The following ESR1 variants were observed in gnomAD, a reference collection of about 807,000 sequenced individuals.
The protein encoded by ESR1 is estrogen receptor 1.
A neutral mutation model predicts 52.7 loss-of-function variants in ESR1; 12 were observed. That is an observed-to-expected ratio of 0.23 (90% CI 0.15 to 0.37). ESR1 has a LOEUF of 0.37. ESR1 is among the 10% of genes least tolerant of loss of function. The probability of loss-of-function intolerance (pLI) is 1.00; values close to 1 mark genes in which losing one functional copy is unlikely to be tolerated. For missense variants in ESR1, 584 were observed against 779.7 expected, an observed-to-expected ratio of 0.75 and a Z score of 2.99; for synonymous variants, 305 against 316.8, an observed-to-expected ratio of 0.96 and a Z score of 0.39.
intron 2 of ESR1, among the ~76,000 whole-genome samples, chr6:151,863,235 G>C (rs1789219383): frequency 6.6e-6 from 1 of 152,134 alleles, no homozygotes; most frequent in Non-Finnish European, 1.5e-5. Flanking sequence ...ACCTTGGGCA[G>C]TATGGCCATT....
intron 2 of ESR1, among the ~76,000 whole-genome samples, chr6:151,798,532 C>A (rs1776928931): frequency 6.6e-6 from 1 of 152,178 alleles, no homozygotes; most frequent in Non-Finnish European, 1.5e-5. Context: ...AAGTTTTACA[C>A]TAAATTCTTT....
intron 4 of ESR1, among the ~76,000 whole-genome samples, chr6:152,008,692 G>A (rs1158269857): frequency 6.6e-6 from 1 of 152,000 alleles, no homozygotes; most frequent in African/African-American, 2.4e-5. Flanking sequence ...TCTTTTTGAG[G>A]TTTATTTAGG....
chr6:151,659,949 G>T (rs749491725), intron 1 of ESR1, among the ~76,000 whole-genome samples: 3 of 152,188 alleles, frequency 2.0e-5, no homozygotes, highest in African/African-American at 7.2e-5. Flanking sequence ...TTGTGTGAAA[G>T]ATATCTTTAT....
At chr6:152,046,343 AC>A (rs1200288446) in intron 5 of ESR1, among the ~76,000 whole-genome samples, 1 of 152,218 alleles carries the variant, frequency 6.6e-6, no homozygotes, top group Non-Finnish European at 1.5e-5. Flanking sequence ...AGCGCCTGTT[AC>A]TAGTTACATA....
intron 2 of ESR1, among the ~76,000 whole-genome samples, chr6:151,727,213 T>G (rs1382041202): frequency 6.6e-6 from 1 of 152,130 alleles, no homozygotes; most frequent in Non-Finnish European, 1.5e-5. Flanking sequence ...CTTTTCTTTT[T>G]TTTTTTGAGA....
intron 2 of ESR1, among the ~76,000 whole-genome samples, chr6:151,796,625 T>C (rs1220795189): frequency 7.2e-5 from 11 of 152,224 alleles, no homozygotes; most frequent in Admixed American, 7.2e-4. Flanking sequence ...CCATTAAAAG[T>C]AATTTTAAAA....
intron 2 of ESR1, among the ~76,000 whole-genome samples, chr6:151,748,079 C>A (rs1034302381): frequency 2.0e-5 from 3 of 152,142 alleles, no homozygotes; most frequent in Non-Finnish European, 4.4e-5. Flanking sequence ...ATTTTACATT[C>A]CAACCAGCAA....
intron 3 of ESR1, among the ~76,000 whole-genome samples, chr6:151,908,436 T>C (rs1797773316): frequency 6.6e-6 from 1 of 152,180 alleles, no homozygotes; most frequent in Non-Finnish European, 1.5e-5. Context: ...AATGTCATCA[T>C]GATGATATTG....
At chr6:151,775,641 G>A (rs1785907976) in intron 2 of ESR1, among the ~76,000 whole-genome samples, 2 of 151,902 alleles carry the variant, frequency 1.3e-5, no homozygotes, top group South Asian at 2.1e-4. Context: ...AGCTACTCGG[G>A]AGGCTGAGGC....
At chr6:152,000,586 T>C (rs2041869257) in intron 4 of ESR1, among the ~76,000 whole-genome samples, 1 of 151,986 alleles carries the variant, frequency 6.6e-6, no homozygotes, top group Non-Finnish European at 1.5e-5. Flanking sequence ...AAGTCAATTC[T>C]CTTCTAGGAC....
At chr6:152,030,106 C>T (rs1298631038) in intron 5 of ESR1, among the ~76,000 whole-genome samples, 1 of 152,148 alleles carries the variant, frequency 6.6e-6, no homozygotes, top group Non-Finnish European at 1.5e-5. Flanking sequence ...GATTTTGTCA[C>T]CACCAGGCCT....
At chr6:151,986,000 G>A (rs942652952) in intron 4 of ESR1, among the ~76,000 whole-genome samples, 1 of 152,108 alleles carries the variant, frequency 6.6e-6, no homozygotes, top group Non-Finnish European at 1.5e-5. Context: ...TGGATTATAT[G>A]CCTGCTTCAG....
intron 3 of ESR1, among the ~76,000 whole-genome samples, chr6:151,887,929 AT>A (rs1196199680): frequency 6.7e-6 from 1 of 150,134 alleles, no homozygotes; most frequent in African/African-American, 2.5e-5. Flanking sequence ...CTCTAGAAAC[AT>A]TTATCAAAGA....
At position 152,061,506 on chromosome 6, in the gene ESR1, A is replaced by G. The variant is rs2047539034; in HGVS notation, c.1369+382A>G. On this transcript the variant is annotated intron_variant, in intron 6 of 7. Coordinates refer to ENST00000206249, the MANE Select transcript of ESR1 (RefSeq NM_000125.4). This position sits in a 1 kb window ranked among gnomAD's most constrained non-coding sequence, Gnocchi z 4.3. Reference sequence around the variant, plus strand: ...AATTGTGACCAATTCCAGGCTCCAGATAGTAAAGAAAGAGGGTTATTTGAG... The same window carrying G: ...AATTGTGACCAATTCCAGGCTCCAGGTAGTAAAGAAAGAGGGTTATTTGAG... 6.6e-6 allele frequency among the ~76,000 whole-genome samples: 1 copy of G among 152,234 alleles called. No homozygotes were observed. Among genetic ancestry groups the G allele is most frequent in the Non-Finnish European group, 1.5e-5 (1 of 68,044 alleles).
intron 6 of ESR1, among the ~76,000 whole-genome samples, chr6:152,075,260 AC>A (rs1482697624): frequency 6.6e-6 from 1 of 152,122 alleles, no homozygotes; most frequent in African/African-American, 2.4e-5. Context: ...CATGAGGTTC[AC>A]CTTTTTATTT....
At chr6:151,924,397 AC>A (rs2032308541) in intron 3 of ESR1, among the ~76,000 whole-genome samples, 1 of 150,584 alleles carries the variant, frequency 6.6e-6, no homozygotes, top group African/African-American at 2.5e-5. Context: ...TTTTTTGCCA[AC>A]TGTATTTTTT....
intron 5 of ESR1, among the ~76,000 whole-genome samples, chr6:152,044,217 C>A (rs2046038776): frequency 6.6e-6 from 1 of 152,176 alleles, no homozygotes; most frequent in African/African-American, 2.4e-5. Context: ...GCATAACTCT[C>A]TACACAGTTC....
At chr6:152,035,845 C>T (rs1296083525) in intron 5 of ESR1, among the ~76,000 whole-genome samples, 1 of 152,086 alleles carries the variant, frequency 6.6e-6, no homozygotes, top group Non-Finnish European at 1.5e-5. Flanking sequence ...GGTCCTGACA[C>T]AATTGATATC....
At chr6:151,705,766 T>G (rs1780141923) in intron 2 of ESR1, among the ~76,000 whole-genome samples, 1 of 152,196 alleles carries the variant, frequency 6.6e-6, no homozygotes, top group Non-Finnish European at 1.5e-5. Flanking sequence ...TTGTTTATTG[T>G]AATTCCTGCC....
Sources: allele counts gnomAD v4.1 joint callset (sites outside exome capture counted in the v4.1 genomes callset), GRCh38; gene constraint gnomAD v4.1.1; non-coding constraint Gnocchi (gnomAD v3.1); transcripts MANE v1.5; gene names NCBI Gene and HGNC (gene_info 2026-07-23, HGNC 2026-07-21).